Variants in PAPSS2 observed in about 807,000 individuals in gnomAD.
PAPSS2 encodes the protein 3'-phosphoadenosine 5'-phosphosulfate synthase 2.
A neutral mutation model predicts 66.5 loss-of-function variants in PAPSS2; 61 were observed. The observed-to-expected ratio is 0.92, with a 90% CI of 0.75 to 1.14. The LOEUF is 1.14. Ranked by LOEUF, PAPSS2 falls within the 50% of genes most tolerant of loss-of-function variation. The probability of loss-of-function intolerance (pLI) is 0.00; values close to 1 mark genes in which losing one functional copy is unlikely to be tolerated. For synonymous variants in PAPSS2, 289 were observed against 287.5 expected (o/e 1.01, Z -0.05); for missense variants, 708 against 789.6 (o/e 0.90, Z 1.24).
At chr10:87,676,629 T>C (rs1321166790) in intron 1 of PAPSS2, among the ~76,000 whole-genome samples, 1 of 152,166 alleles carries the variant, frequency 6.6e-6, no homozygotes, top group Non-Finnish European at 1.5e-5. Context: ...TGATCAACTT[T>C]ATCTCATTAG....
At chr10:87,718,138 G>A (rs1440462527) in intron 7 of PAPSS2, among the ~76,000 whole-genome samples, 1 of 151,888 alleles carries the variant, frequency 6.6e-6, no homozygotes, top group East Asian at 1.9e-4. Context: ...TGCCTCCCGG[G>A]TTCAAGCGAT....
At chr10:87,701,368 CTTTCTTTCTTTCTTTCTTTCTT>C (rs1853309778) in intron 1 of PAPSS2, among the ~76,000 whole-genome samples, 1 of 99,104 alleles carries the variant, frequency 1.0e-5, no homozygotes, top group East Asian at 2.7e-4. Flanking sequence ...TTCTTTCTTT[CTTTCTTTCTTTCTTTCTTTCTT>C]TCTTTCTCTT....
rs779750838 is a variant in PAPSS2, at chr10:87,693,632, C to T, written c.28-15564C>T. Among the ~76,000 whole-genome samples, 65 of 152,248 alleles carry T rather than the reference C, an allele frequency of 4.3e-4. 1 individual carries two copies. Among genetic ancestry groups the T allele is most frequent in the Admixed American group, 1.3e-3 (20 of 15,302 alleles). ...CACTGTATTAAATAAGTGTCCAGTT[C>T]GGTCGTTTATTTAGATTTAGTTGAT... On this transcript the variant is annotated intron_variant, in intron 1 of 12. Coordinates refer to ENST00000456849, the MANE Select transcript of PAPSS2 (RefSeq NM_001015880.2).
chr10:87,725,930 G>A (rs568758977), intron 8 of PAPSS2, among the ~76,000 whole-genome samples: 3 of 112,752 alleles, frequency 2.7e-5, no homozygotes, highest in African/African-American at 1.1e-4. Context: ...TTTTGGTAGA[G>A]ATGAGGTCTT....
chr10:87,694,764 A>G (rs557213026), intron 1 of PAPSS2, among the ~76,000 whole-genome samples: 32 of 152,340 alleles, frequency 2.1e-4, no homozygotes, highest in Admixed American at 3.9e-4. Context: ...ACATGATTTA[A>G]GGGTGTTTTA....
chr10:87,741,393 A>C, intron 10 of PAPSS2, 23 bp downstream of exon 10: 1 of 1,589,282 alleles, frequency 6.3e-7, no homozygotes, highest in Non-Finnish European at 8.6e-7. Context: ...TTCTTAGTGC[A>C]TTTTATTTAT....
Position 87,660,063 on chromosome 10 carries a change from C to A in PAPSS2, c.27+55C>A, listed in dbSNP as rs1004798203. The A allele has an allele frequency of 2.7e-5, 42 of 1,566,558 alleles. 1 individual carries two copies. The South Asian group carries it at 4.3e-4, about 16-fold the overall frequency. ...CGCCACCGCACTGCACGCGCCGACC[C>A]CCAACCCCCAATTCCCCGGCACTTG... On this transcript the variant is annotated intron_variant, in intron 1 of 12. Transcript: ENST00000456849.
Position 87,741,278 on chromosome 10 carries a change from A to G in PAPSS2, c.1130A>G (p.Gln377Arg), listed in dbSNP as rs1853865916. The change falls in exon 10 of 13, where the codon CAG becomes CGG. Residue 377 changes from glutamine (Q) to arginine (R), a missense_variant. Gln to Arg is a conservative substitution (Grantham distance 43). Transcript: ENST00000456849. ...SGDWLVGGDLQVLEKIRWNDG... is the reference protein window; with the variant it reads ...SGDWLVGGDLRVLEKIRWNDG... ...GACTGGCTGGTTGGTGGAGACCTTC[A>G]GGTGCTGGAGAAAATAAGATGGAAT... 6.2e-7 allele frequency: 1 copy of G among 1,613,458 alleles called. No individual in the cohort carries two copies. The highest frequency in any genetic ancestry group is 1.7e-5 in the Admixed American group (1 of 60,006).
At chr10:87,736,953 C>G (rs539004040) in intron 9 of PAPSS2, among the ~76,000 whole-genome samples, 2 of 152,258 alleles carry the variant, frequency 1.3e-5, no homozygotes, top group East Asian at 3.9e-4. Flanking sequence ...TCTGCAGACC[C>G]TCCCTGCTTG....
chr10:87,745,097 G>A lies in PAPSS2; in HGVS notation c.1587G>A (p.Lys529=). The change falls in exon 12 of 13, where the codon AAG becomes AAA. Residue 529 remains lysine (K), a synonymous_variant. Transcript: ENST00000456849. ...PAGMPHPETK[K]DLYEPTHGGK... ...GAATGCCCCATCCTGAAACCAAGAA[G>A]GATCTGTATGAACCCACTCATGGGG... 2 of 1,614,146 alleles carry A rather than the reference G, an allele frequency of 1.2e-6. No homozygotes were observed. The highest frequency in any genetic ancestry group is 1.6e-4 in the Middle Eastern group (1 of 6,062).
intron 1 of PAPSS2, among the ~76,000 whole-genome samples, chr10:87,706,108 A>ATATATATATATATATATGTGTGTG: frequency 5.8e-5 from 3 of 52,014 alleles, no homozygotes; most frequent in African/African-American, 3.0e-4. Context: ...ATATATATAT[A>ATATATATATATATATATGTGTGTG]TGTGTGTGTG....
chr10:87,712,178 A>T (rs1433372299), intron 2 of PAPSS2, among the ~76,000 whole-genome samples: 1 of 152,166 alleles, frequency 6.6e-6, no homozygotes, highest in African/African-American at 2.4e-5. Context: ...GACATATGGC[A>T]GCTCTAAATA....
In PAPSS2 at chr10:87,741,262, G is replaced by T. The variant is rs767537130; in HGVS notation, c.1114G>T (p.Val372Phe). 1.2e-6 allele frequency: 2 copies of T among 1,613,706 alleles called. No homozygotes were observed. Among genetic ancestry groups the T allele is most frequent in the Non-Finnish European group, 1.7e-6 (2 of 1,179,704 alleles). The change falls in exon 10 of 13, where the codon GTT becomes TTT. Residue 372 changes from valine to phenylalanine, a missense_variant. Transcript: ENST00000456849. Reference protein sequence around the residue: ...KMVMESGDWLVGGDLQVLEKI... With the variant: ...KMVMESGDWLFGGDLQVLEKI... ...GGTGATGGAAAGTGGGGACTGGCTGGTTGGTGGAGACCTTCAGGTGCTGGA... is the reference window on the plus strand; with the variant it reads ...GGTGATGGAAAGTGGGGACTGGCTGTTTGGTGGAGACCTTCAGGTGCTGGA...
At chr10:87,664,866 A>G (rs1589416340) in intron 1 of PAPSS2, among the ~76,000 whole-genome samples, 1 of 152,366 alleles carries the variant, frequency 6.6e-6, no homozygotes, top group Admixed American at 6.5e-5. Flanking sequence ...TGATTTGTTC[A>G]TATGACACTT....
chr10:87,739,212 A>ATTCC (rs1441266271), intron 9 of PAPSS2, among the ~76,000 whole-genome samples: 1 of 152,206 alleles, frequency 6.6e-6, no homozygotes, highest in African/African-American at 2.4e-5. Context: ...GTCCAACTTC[A>ATTCC]TTCCTTTGCA....
At position 87,715,084 on chromosome 10, in the gene PAPSS2, T is replaced by A. The variant is rs1564721867; in HGVS notation, c.739T>A (p.Leu247Ile). ...AGCTGAGGCTGAAACTCTCCCTTCATTATCAATTACTAAGGTAAGTGGGTG... is the reference window on the plus strand; with the variant it reads ...AGCTGAGGCTGAAACTCTCCCTTCAATATCAATTACTAAGGTAAGTGGGTG... ...VRAEAETLPSLSITKLDLQWV... is the reference protein window; with the variant it reads ...VRAEAETLPSISITKLDLQWV... The change falls in exon 6 of 13, where the codon TTA (leucine) becomes ATA (isoleucine). Residue 247 changes from leucine to isoleucine, a missense_variant. Leu to Ile is a conservative substitution (Grantham distance 5). Transcript: ENST00000456849. 6.2e-7 allele frequency: 1 copy of A among 1,600,276 alleles called. No individual in the cohort carries two copies. Among genetic ancestry groups the A allele is most frequent in the East Asian group, 2.2e-5 (1 of 44,802 alleles).
At chr10:87,707,979 T>C (rs1156497991) in intron 1 of PAPSS2, among the ~76,000 whole-genome samples, 2 of 152,258 alleles carry the variant, frequency 1.3e-5, no homozygotes, top group South Asian at 2.1e-4. Flanking sequence ...TTCAGAAACC[T>C]GGATTCTGTC....
chr10:87,744,295 G>A (rs1174412901), intron 11 of PAPSS2, among the ~76,000 whole-genome samples: 1 of 152,160 alleles, frequency 6.6e-6, no homozygotes, highest in East Asian at 1.9e-4. Flanking sequence ...ATTAGGAAAG[G>A]ATATCTTTAA....
intron 1 of PAPSS2, among the ~76,000 whole-genome samples, chr10:87,672,135 A>G (rs895844627): frequency 2.0e-5 from 3 of 152,228 alleles, no homozygotes; most frequent in Admixed American, 1.3e-4. Context: ...GAAATGAGGT[A>G]AATTCCCTGC....
Sources: gnomAD v4.1 joint callset for allele counts (sites outside exome capture counted in the v4.1 genomes callset) on GRCh38, gnomAD v4.1.1 for gene constraint, MANE v1.5 for transcripts, NCBI Gene and HGNC (gene_info 2026-07-23, HGNC 2026-07-21) for gene names.